Variants in CNTN4 observed in about 807,000 individuals in gnomAD.
CNTN4 encodes contactin-4.
In CNTN4, 77 loss-of-function variants were observed where a neutral mutation model predicts 122.5. The ratio of observed to expected loss-of-function variants is 0.63; its 90% CI spans 0.52 to 0.76. The LOEUF is 0.76. Ranked by LOEUF, CNTN4 falls within the 30% of genes least tolerant of loss-of-function variation. The probability of loss-of-function intolerance (pLI) is 0.00; values close to 1 mark genes in which losing one functional copy is unlikely to be tolerated. For missense variants in CNTN4, 1,256 were observed against 1,259.1 expected (o/e 1.00, Z 0.04); for synonymous variants, 512 against 447.0 (o/e 1.15, Z -1.83).
intron 2 of CNTN4, among the ~76,000 whole-genome samples, chr3:2,259,862 T>G (rs2040754001): frequency 6.6e-6 from 1 of 152,146 alleles, no homozygotes; most frequent in Non-Finnish European, 1.5e-5. Flanking sequence ...CTTTGCATTC[T>G]TTCCCATCCA....
intron 4 of CNTN4, among the ~76,000 whole-genome samples, chr3:2,575,212 A>C (rs976908813): frequency 5.3e-5 from 8 of 152,058 alleles, no homozygotes; most frequent in Admixed American, 1.3e-4. Flanking sequence ...TAAAAATAAA[A>C]AGTAATTAAA....
intron 2 of CNTN4, among the ~76,000 whole-genome samples, chr3:2,223,035 C>G (rs1420824492): frequency 6.6e-6 from 1 of 152,190 alleles, no homozygotes; most frequent in African/African-American, 2.4e-5. Flanking sequence ...CCCCATTTTG[C>G]ATTCTTTGGA....
Position 3,026,188 on chromosome 3 carries a change from C to T in CNTN4, c.1573C>T (p.His525Tyr). ...IVLPCQVTHD[H>Y]SLDIVFTWSF... ...TTTACCGTGCCAGGTAACGCATGAT[C>T]ACTCGCTAGACATCGTGTTTACTTG... Residue 525 changes from histidine (H) to tyrosine (Y), a missense_variant, in exon 15 of 25, where the codon CAC (histidine) becomes TAC (tyrosine). His to Tyr is a moderately conservative substitution (Grantham distance 83). Transcript: ENST00000418658. The T allele has an allele frequency of 6.2e-7, 1 of 1,613,298 alleles. No homozygotes were observed. Among genetic ancestry groups the T allele is most frequent in the Non-Finnish European group, 8.5e-7 (1 of 1,179,376 alleles).
chr3:2,610,447 C>T (rs2081431406), intron 4 of CNTN4, among the ~76,000 whole-genome samples: 2 of 152,198 alleles, frequency 1.3e-5, no homozygotes, highest in Admixed American at 6.5e-5. Flanking sequence ...ATGATTCAGT[C>T]AGTCAGTTCT....
chr3:2,189,630 G>C (rs539686706), intron 2 of CNTN4, among the ~76,000 whole-genome samples: 1 of 152,260 alleles, frequency 6.6e-6, no homozygotes, highest in Admixed American at 6.5e-5. Context: ...AACAAAAAAA[G>C]AATGAGGGGC....
chr3:2,818,803 G>T (rs1396915404), intron 6 of CNTN4, among the ~76,000 whole-genome samples: 2 of 152,088 alleles, frequency 1.3e-5, no homozygotes, highest in African/African-American at 4.8e-5. Flanking sequence ...AAAGAACCAT[G>T]AACAGTACCT....
At chr3:2,821,250 C>T (rs753341168) in intron 7 of CNTN4, among the ~76,000 whole-genome samples, 5 of 152,100 alleles carry the variant, frequency 3.3e-5, no homozygotes, top group Middle Eastern at 3.2e-3. Flanking sequence ...AGTCACTGCA[C>T]CTGGCTGGCA....
intron 3 of CNTN4, among the ~76,000 whole-genome samples, chr3:2,375,963 T>G (rs1387637442): frequency 6.6e-6 from 1 of 152,132 alleles, no homozygotes; most frequent in Non-Finnish European, 1.5e-5. Context: ...CTCTTTCAGC[T>G]TAATGGTTGA....
chr3:2,789,909 G>C (rs1249685761), intron 6 of CNTN4, among the ~76,000 whole-genome samples: 1 of 152,178 alleles, frequency 6.6e-6, no homozygotes. Flanking sequence ...CAATAGACTA[G>C]AAAAGTGCTT....
intron 3 of CNTN4, chr3:2,362,622 G>A: frequency 4.2e-6 from 2 of 474,454 alleles, no homozygotes; most frequent in South Asian, 3.4e-5. Context: ...GATAGCAAGG[G>A]CTGAGGGCCT....
chr3:2,562,597 G>A (rs1025199986), intron 3 of CNTN4, among the ~76,000 whole-genome samples: 2 of 151,876 alleles, frequency 1.3e-5, no homozygotes, highest in Non-Finnish European at 1.5e-5. Context: ...TCCGTGGTGT[G>A]TATGCACCAA....
chr3:2,770,140 C>A (rs1232481406), intron 6 of CNTN4, among the ~76,000 whole-genome samples: 1 of 151,930 alleles, frequency 6.6e-6, no homozygotes, highest in Non-Finnish European at 1.5e-5. Context: ...AGCAATTCTA[C>A]TGCCTCAGCC....
At chr3:2,742,521 A>C (rs1001635924) in intron 5 of CNTN4, among the ~76,000 whole-genome samples, 1 of 152,084 alleles carries the variant, frequency 6.6e-6, no homozygotes, top group African/African-American at 2.4e-5. Context: ...CTTAGTGCCA[A>C]GTTGACACCA....
intron 6 of CNTN4, among the ~76,000 whole-genome samples, chr3:2,779,008 C>G (rs1229821443): frequency 1.3e-5 from 2 of 152,180 alleles, no homozygotes; most frequent in African/African-American, 4.8e-5. Flanking sequence ...GTGTTAGCCT[C>G]TTAATGCCCC....
At position 3,057,393 on chromosome 3, in the gene CNTN4, T is replaced by C. The variant is rs1246646851; in HGVS notation, c.*1173T>C. The C allele has an allele frequency of 1.3e-5, 2 of 152,680 alleles. No individual in the cohort carries two copies. Among genetic ancestry groups the C allele is most frequent in the Non-Finnish European group, 2.9e-5 (2 of 68,050 alleles). The allele number at this position is 152,680 out of a possible 1,614,324, so 9.5% of individuals were successfully genotyped here. The stretch of plus-strand genomic sequence containing the variant: ...TGCAATAGGTAGCCTAGTTGCTTTA[T>C]ATGCTTTACCTTCTAGGTCTTAAAA... On this transcript the variant is annotated 3_prime_UTR_variant, in exon 25 of 25. Transcript: ENST00000418658.
At chr3:2,484,155 A>T (rs936051283) in intron 3 of CNTN4, among the ~76,000 whole-genome samples, 1 of 152,190 alleles carries the variant, frequency 6.6e-6, no homozygotes, top group African/African-American at 2.4e-5. Flanking sequence ...ACATTAACAG[A>T]TATTTTATTG....
At chr3:2,362,229 GAGA>G (rs1226971355) in intron 3 of CNTN4, 1 of 176,994 alleles carries the variant, frequency 5.6e-6, no homozygotes, top group Non-Finnish European at 1.2e-5. Flanking sequence ...CTAACAACAA[GAGA>G]AGGAGTTTAT....
At chr3:2,506,089 C>T (rs549906288) in intron 3 of CNTN4, among the ~76,000 whole-genome samples, 4 of 152,150 alleles carry the variant, frequency 2.6e-5, no homozygotes, top group Middle Eastern at 3.4e-3. Flanking sequence ...TTGTTTCTGC[C>T]GGTTTTCCTC....
intron 6 of CNTN4, among the ~76,000 whole-genome samples, chr3:2,772,915 T>C (rs888099303): frequency 3.3e-5 from 5 of 151,890 alleles, no homozygotes; most frequent in African/African-American, 4.8e-5. Flanking sequence ...AGAGAAGAGA[T>C]AGGAATCAGG....
Sources: gnomAD v4.1 joint callset for allele counts (sites outside exome capture counted in the v4.1 genomes callset) on GRCh38, gnomAD v4.1.1 for gene constraint, MANE v1.5 for transcripts, NCBI Gene and HGNC (gene_info 2026-07-23, HGNC 2026-07-21) for gene names.